The following UNC79 variants were observed in gnomAD, a reference collection of about 807,000 sequenced individuals.
The protein encoded by UNC79 is protein unc-79 homolog.
UNC79 carries 37 observed loss-of-function variants against 283.1 expected under a neutral mutation model. The ratio of observed to expected loss-of-function variants is 0.13; its 90% confidence interval spans 0.10 to 0.17. The LOEUF (loss-of-function observed/expected upper bound fraction) is 0.17, where lower values mean the gene tolerates loss of function less well. UNC79 is among the 10% of genes least tolerant of loss of function. UNC79 has a pLI of 1.00. For synonymous variants in UNC79, 1,107 were observed against 1,200.2 expected (o/e 0.92, Z 1.61); for missense variants, 2,272 against 3,211.1 (o/e 0.71, Z 7.07).
At chr14:93,583,386 G>GC (rs2063961075) in intron 20 of UNC79, among the ~76,000 whole-genome samples, 1 of 152,156 alleles carries the variant, frequency 6.6e-6, no homozygotes, top group Non-Finnish European at 1.5e-5. Flanking sequence ...GTATCAGGAG[G>GC]CATGGGCTTG....
At position 93,692,222 on chromosome 14, in the gene UNC79, G is replaced by A. The variant is rs572149839; in HGVS notation, c.7470+276G>A. 1.0e-3 allele frequency among the ~76,000 whole-genome samples: 159 copies of A among 152,210 alleles called. 2 individuals carry two copies. Among genetic ancestry groups the A allele is most frequent in the Middle Eastern group, 3.4e-3 (1 of 294 alleles). ...ATATTCTATACTTGAAAATTGCTAC[G>A]AGGAGATTTCAAATGTTCTCACCAT... On this transcript the variant is annotated intron_variant, in intron 46 of 48. Coordinates refer to ENST00000555664, the Ensembl canonical transcript of UNC79.
Position 93,591,754 on chromosome 14 carries a change from C to A in UNC79, c.3033-1926C>A, listed in dbSNP as rs910945457. On this transcript the variant is annotated intron_variant, in intron 22 of 48. Transcript: ENST00000555664. ...GTCACTAGTGGCACTTCGTATGGGA[C>A]CCATGGTGCTATTCATGGTTTACGG... is the stretch of plus-strand genomic sequence containing the variant. Among the ~76,000 whole-genome samples the A allele has an allele frequency of 3.9e-5, 6 of 152,204 alleles. No individual in the cohort carries two copies. In the East Asian group the frequency reaches 7.7e-4, roughly 20 times the overall value.
chr14:93,691,236 G>A (rs1045041080), intron 45 of UNC79: 6 of 164,858 alleles, frequency 3.6e-5, no homozygotes, highest in African/African-American at 1.2e-4. Flanking sequence ...AGCCTCTGGC[G>A]CCATCTCTGG....
At chr14:93,400,415 G>A (rs1475995842) in intron 1 of UNC79, among the ~76,000 whole-genome samples, 1 of 151,742 alleles carries the variant, frequency 6.6e-6, no homozygotes, top group African/African-American at 2.4e-5. Context: ...CCGAAGAGCT[G>A]ACAGTAGTAG....
chr14:93,400,045 C>T (rs1355189480), intron 1 of UNC79, among the ~76,000 whole-genome samples: 1 of 152,126 alleles, frequency 6.6e-6, no homozygotes, highest in East Asian at 1.9e-4. Flanking sequence ...ATCATTGACC[C>T]AACTCAGGTA....
intron 7 of UNC79, among the ~76,000 whole-genome samples, chr14:93,521,235 A>C (rs2060305650): frequency 6.6e-6 from 1 of 151,994 alleles, no homozygotes; most frequent in Non-Finnish European, 1.5e-5. Flanking sequence ...TGGACCTTGA[A>C]TATCTTCCAG....
intron 1 of UNC79, among the ~76,000 whole-genome samples, chr14:93,385,946 AACT>A (rs1237859709): frequency 6.6e-6 from 1 of 152,100 alleles, no homozygotes; most frequent in East Asian, 1.9e-4. Context: ...CTTCCTTTCC[AACT>A]TGGATGCCCT....
chr14:93,377,937 A>G (rs2139981513), intron 1 of UNC79, among the ~76,000 whole-genome samples: 1 of 152,342 alleles, frequency 6.6e-6, no homozygotes, highest in South Asian at 2.1e-4. Context: ...CTGGTAGACA[A>G]CAACGAAATA....
intron 1 of UNC79, among the ~76,000 whole-genome samples, chr14:93,363,914 G>T (rs2054275537): frequency 6.6e-6 from 1 of 151,954 alleles, no homozygotes; most frequent in Non-Finnish European, 1.5e-5. Context: ...TAGAGACAGG[G>T]TTTCACCTTG....
chr14:93,517,900 A>ACG (rs1555434765), intron 7 of UNC79, among the ~76,000 whole-genome samples: 9 of 110,396 alleles, frequency 8.2e-5, no homozygotes, highest in African/African-American at 2.9e-4. Flanking sequence ...TGTATATGTG[A>ACG]GTGTGTGTGT....
intron 48 of UNC79, among the ~76,000 whole-genome samples, 175 bp downstream of exon 51, chr14:93,704,841 G>C (rs1293729186): frequency 6.6e-6 from 1 of 152,178 alleles, no homozygotes; most frequent in Non-Finnish European, 1.5e-5. Context: ...CTGCAGGCAG[G>C]GGGTGGCAGC....
chr14:93,542,385 T>C, intron 13 of UNC79, 81 bp from the exon 14 acceptor site: 1 of 1,359,842 alleles, frequency 7.4e-7, no homozygotes, highest in Non-Finnish European at 1.0e-6. Flanking sequence ...TTTATTTTTA[T>C]TTTTTGCCTC....
At position 93,496,320 on chromosome 14, in the gene UNC79, C is replaced by A; in HGVS notation, c.713-91C>A. ...ATTTAATGATTAGAGACTGAAAAGT[C>A]ATATTGAAGTAATTTCTTATATATG... is the stretch of plus-strand genomic sequence containing the variant. On this transcript the variant is annotated intron_variant, in intron 5 of 48. Coordinates refer to ENST00000555664, the Ensembl canonical transcript of UNC79. 5.0e-6 allele frequency: 4 copies of A among 800,050 alleles called. No individual in the cohort carries two copies. The South Asian group carries it at 6.7e-5, about 13-fold the overall frequency. The allele number at this position is 800,050 out of a possible 1,614,324, so 49.6% of individuals were successfully genotyped here.
At chr14:93,453,944 G>A (rs1164653123) in intron 1 of UNC79, among the ~76,000 whole-genome samples, 1 of 152,136 alleles carries the variant, frequency 6.6e-6, no homozygotes, top group African/African-American at 2.4e-5. Flanking sequence ...TTTTTGAGGA[G>A]GAATAGATTG....
In UNC79 at chr14:93,474,497, T is replaced by C. The variant is rs1437394700; in HGVS notation, c.448+104T>C. On this transcript the variant is annotated intron_variant, in intron 3 of 48. Transcript: ENST00000555664. The surrounding 1 kb of genome is among the most constrained non-coding windows in gnomAD (Gnocchi z 4.1). The stretch of plus-strand genomic sequence containing the variant: ...ATGGTCACTGTTGTAATCAATCACC[T>C]GAAAGGGCTTTGTGTGGCTAGAAGC... 1.5e-6 allele frequency: 2 copies of C among 1,310,670 alleles called. No individual in the cohort carries two copies. Among genetic ancestry groups the C allele is most frequent in the Non-Finnish European group, 2.0e-6 (2 of 977,142 alleles). The allele number at this position is 1,310,670 out of a possible 1,614,324, so 81.2% of individuals were successfully genotyped here.
intron 1 of UNC79, 50 bp from the exon 2 acceptor site, chr14:93,467,612 TTTCTTTTTC>T: frequency 7.8e-7 from 1 of 1,279,682 alleles, no homozygotes; most frequent in Non-Finnish European, 9.8e-7. Flanking sequence ...GATTCTTCTC[TTTCTTTTTC>T]TTCTTCCTTT....
At chr14:93,692,894 T>G (rs1038981000) in intron 46 of UNC79, among the ~76,000 whole-genome samples, 6 of 152,282 alleles carry the variant, frequency 3.9e-5, no homozygotes, top group Non-Finnish European at 8.8e-5. Context: ...CAGCGTCTTG[T>G]TATGGGGACA....
At chr14:93,630,468 T>C (rs2067936712) in intron 30 of UNC79, among the ~76,000 whole-genome samples, 1 of 152,236 alleles carries the variant, frequency 6.6e-6, no homozygotes, top group African/African-American at 2.4e-5. Flanking sequence ...CTATTAAGCA[T>C]ATTTAGGTCT....
chr14:93,464,116 T>C (rs929197375), intron 1 of UNC79, among the ~76,000 whole-genome samples: 3 of 152,136 alleles, frequency 2.0e-5, no homozygotes, highest in Non-Finnish European at 2.9e-5. Context: ...GCCACTGCAC[T>C]CCAGCCTGGG....
Sources: allele counts gnomAD v4.1 joint callset (sites outside exome capture counted in the v4.1 genomes callset), GRCh38; gene constraint gnomAD v4.1.1; non-coding constraint Gnocchi (gnomAD v3.1); transcripts MANE v1.5; gene names NCBI Gene and HGNC (gene_info 2026-07-23, HGNC 2026-07-21).